Variants in TNK2 observed in about 807,000 individuals in gnomAD.
TNK2 encodes the protein tyrosine kinase non receptor 2, also known as activated CDC42 kinase 1.
Under a neutral mutation model 101.8 loss-of-function variants are expected in TNK2, and 83 were observed. That is an observed-to-expected ratio of 0.82 (90% confidence interval 0.68 to 0.98). The LOEUF (loss-of-function observed/expected upper bound fraction) is 0.98, where lower values mean the gene tolerates loss of function less well. TNK2 is among the 50% of genes least tolerant of loss of function. TNK2 has a pLI of 0.00. For synonymous variants in TNK2, 804 were observed against 633.0 expected (o/e 1.27, Z -4.06); for missense variants, 1,665 against 1,483.2 (o/e 1.12, Z -2.01).
intron 4 of TNK2, chr3:195,884,295 C>T (rs911102758): frequency 2.4e-4 from 36 of 151,970 alleles, no homozygotes; most frequent in African/African-American, 8.5e-4. Context: ...AAATACTTTC[C>T]AAACTTTTAT....
In TNK2 at chr3:195,867,579, G is replaced by C. The variant is rs767242132; in HGVS notation, c.2719C>G (p.Leu907Val). ...PEEPTPLPVP[L>V]LLPPPSTPAP... is the part of the protein sequence containing the mutation. The stretch of plus-strand genomic sequence containing the variant: ...GGGGTGCTGGGTGGGGGCAGCAGCA[G>C]AGGCACAGGCAGGGGGGTAGGCTCC... Residue 907 changes from leucine (L) to valine (V), a missense_variant, in exon 13 of 16, where the codon CTG becomes GTG. Physicochemically the swap from Leu to Val is conservative, Grantham distance 32 (BLOSUM62 1). This residue lies in a region of TNK2 where 1,136 missense variants were observed against 894.9 expected (regional missense o/e 1.27). Coordinates refer to ENST00000672887, the MANE Select transcript of TNK2 (RefSeq NM_001382273.1). 1 of 1,584,090 alleles carries C rather than the reference G, an allele frequency of 6.3e-7. No homozygotes were observed. The highest frequency in any genetic ancestry group is 8.5e-7 in the Non-Finnish European group (1 of 1,172,994).
rs569518385 is a variant in TNK2, at chr3:195,898,869, C to T, written c.-19+9616G>A. On this transcript the variant is annotated intron_variant, in intron 1 of 15. Transcript: ENST00000672887. ...CAGCACTTTGGGAGGCCAAGGCAGG[C>T]GGATCACCTGAGGTCAGGAGTTCGA... 2.6e-5 allele frequency among the ~76,000 whole-genome samples: 4 copies of T among 152,202 alleles called. No homozygotes were observed. The South Asian group carries it at 6.2e-4, about 24-fold the overall frequency.
chr3:195,894,062 A>C (rs756035381), intron 1 of TNK2, among the ~76,000 whole-genome samples: 1 of 152,222 alleles, frequency 6.6e-6, no homozygotes, highest in African/African-American at 2.4e-5. Flanking sequence ...GGACAAGATC[A>C]GGCCTGCGTT....
chr3:195,884,280 T>C (rs1465055901), intron 4 of TNK2: 1 of 152,210 alleles, frequency 6.6e-6, no homozygotes, highest in East Asian at 1.9e-4. Flanking sequence ...TTTTTCTTGT[T>C]TTTCAAATAC....
intron 9 of TNK2, chr3:195,876,645 TG>T (rs1327358354): frequency 2.2e-6 from 1 of 455,902 alleles, no homozygotes; most frequent in South Asian, 1.6e-5. Context: ...GGGCAGGTGC[TG>T]TGGTTCCAAG....
Position 195,882,189 on chromosome 3 carries a change from T to A in TNK2, c.749A>T (p.His250Leu). The A allele has an allele frequency of 6.2e-7, 1 of 1,613,812 alleles. No homozygotes were observed. The highest frequency in any genetic ancestry group is 8.5e-7 in the Non-Finnish European group (1 of 1,180,012). ...MGYLESKRFI[H>L]RDLAARNLLL... is the part of the protein sequence containing the mutation. Reference sequence around the variant, plus strand: ...CAGATTGCGGGCAGCCAGGTCACGGTGAATAAAGCGCTTGGACTCCAGGTA... The same window carrying A: ...CAGATTGCGGGCAGCCAGGTCACGGAGAATAAAGCGCTTGGACTCCAGGTA... The change falls in exon 6 of 16, where the codon CAC becomes CTC. Residue 250 changes from histidine (H) to leucine (L), a missense_variant. Around this residue, in one of 3 missense-constraint regions of TNK2, gnomAD observed 490 missense variants for 522.5 expected, o/e 0.94. Transcript: ENST00000672887. The surrounding 1 kb of genome is among the most constrained non-coding windows in gnomAD (Gnocchi z 4.2).
At chr3:195,869,611 C>G in intron 11 of TNK2, 70 bp from the exon 12 acceptor site, 1 of 1,452,998 alleles carries the variant, frequency 6.9e-7, no homozygotes, top group Non-Finnish European at 9.4e-7. Context: ...GGGAGACGGC[C>G]GGACGAGAGG....
At chr3:195,866,570 A>G (rs149338288) in intron 15 of TNK2, among the ~76,000 whole-genome samples, 2 of 152,198 alleles carry the variant, frequency 1.3e-5, no homozygotes, top group Admixed American at 6.5e-5. Flanking sequence ...GAGGTGTGCA[A>G]ATCATGGGGT....
intron 6 of TNK2, 101 bp downstream of exon 6, chr3:195,881,950 G>A (rs936525600): frequency 2.8e-6 from 4 of 1,414,172 alleles, no homozygotes; most frequent in Non-Finnish European, 3.8e-6. Flanking sequence ...ACAAGGGCAG[G>A]CCCAAGCAAA....
chr3:195,869,630 T>TAG (rs55820842), intron 11 of TNK2, 89 bp from the exon 12 acceptor site: 485,233 of 1,244,680 alleles, frequency 0.39, 102,688 homozygotes, highest in Middle Eastern at 0.42. Context: ...GGGCAGAGTG[T>TAG]AGAGAGACGA....
chr3:195,877,780 G>A (rs967041375), intron 9 of TNK2, among the ~76,000 whole-genome samples: 3 of 152,154 alleles, frequency 2.0e-5, no homozygotes, highest in Admixed American at 1.3e-4. Context: ...ACCAGAGGCT[G>A]GAGGCAGGCC....
intron 10 of TNK2, chr3:195,870,415 G>GATGGAA: frequency 7.0e-7 from 1 of 1,427,454 alleles, no homozygotes; most frequent in Non-Finnish European, 9.3e-7. Flanking sequence ...CTGACCCCAG[G>GATGGAA]ATGGAAAGCC....
intron 6 of TNK2, 125 bp from the exon 7 acceptor site, chr3:195,879,300 C>A: frequency 6.9e-7 from 1 of 1,451,106 alleles, no homozygotes; most frequent in Non-Finnish European, 9.3e-7. Context: ...AACAGTGGGT[C>A]TCAGGGGCGC....
intron 6 of TNK2, 75 bp downstream of exon 6, chr3:195,881,976 G>A (rs1753344704): frequency 6.6e-7 from 1 of 1,525,276 alleles, no homozygotes; most frequent in African/African-American, 1.4e-5. Flanking sequence ...GGGCTGTGGT[G>A]GGTCCAGAAA....
At chr3:195,876,861 A>G (rs1472839035) in intron 9 of TNK2, 4 of 355,908 alleles carry the variant, frequency 1.1e-5, no homozygotes, top group Non-Finnish European at 2.2e-5. Flanking sequence ...CCAGAGACAC[A>G]CGCCCCAAAC....
chr3:195,888,405 C>T lies in TNK2; in HGVS notation c.163+21G>A, dbSNP rs1757044935. ...CGGAAAGGGTCAGGGGCAAGACAAG[C>T]CAGGCCAACATCCCACCTACCAGGC... On this transcript the variant is annotated intron_variant, in intron 2 of 15. Coordinates refer to ENST00000672887, the MANE Select transcript of TNK2 (RefSeq NM_001382273.1). The surrounding 1 kb of genome is among the most constrained non-coding windows in gnomAD (Gnocchi z 5.3). 6.2e-7 allele frequency: 1 copy of T among 1,608,784 alleles called. No individual in the cohort carries two copies. Among genetic ancestry groups the T allele is most frequent in the Non-Finnish European group, 8.5e-7 (1 of 1,176,376 alleles).
chr3:195,892,556 C>G (rs959906895), intron 1 of TNK2: 120 of 1,517,484 alleles, frequency 7.9e-5, no homozygotes, highest in Non-Finnish European at 1.0e-4. Flanking sequence ...GAGCTTCGCA[C>G]TCTGCCCAGG....
chr3:195,892,469 A>T (rs1464634126), intron 1 of TNK2: 2 of 1,533,118 alleles, frequency 1.3e-6, no homozygotes, highest in African/African-American at 2.7e-5. Context: ...CAGGCCAGGG[A>T]ACCGACGTGC....
At chr3:195,897,699 G>A (rs1156554909) in intron 1 of TNK2, among the ~76,000 whole-genome samples, 9 of 151,790 alleles carry the variant, frequency 5.9e-5, no homozygotes, top group East Asian at 3.9e-4. Flanking sequence ...ATGAGGTTTC[G>A]TCATGTTGCC....
Sources: gnomAD v4.1 joint callset for allele counts (sites outside exome capture counted in the v4.1 genomes callset) on GRCh38, gnomAD v4.1.1 for gene constraint, gnomAD v4.1.1 regional missense constraint, Gnocchi (gnomAD v3.1) non-coding constraint, MANE v1.5 for transcripts, NCBI Gene and HGNC (gene_info 2026-07-23, HGNC 2026-07-21) for gene names.